MAGI2: variants seen among roughly 807,000 people sequenced by gnomAD.
The protein encoded by MAGI2 is membrane associated guanylate kinase, WW and PDZ domain containing 2, also known as membrane-associated guanylate kinase, WW and PDZ domain-containing protein 2.
Under a neutral mutation model 133.3 loss-of-function variants are expected in MAGI2, and 35 were observed. That is an observed-to-expected ratio of 0.26 (90% confidence interval 0.20 to 0.35). The LOEUF (loss-of-function observed/expected upper bound fraction) is 0.35, where lower values mean the gene tolerates loss of function less well. MAGI2 is among the 10% of genes least tolerant of loss of function. The pLI, the probability that MAGI2 is intolerant of heterozygous loss-of-function variation, is 1.00. For synonymous variants in MAGI2, 729 were observed against 710.6 expected, an observed-to-expected ratio of 1.03 and a Z score of -0.41; for missense variants, 1,636 against 1,863.4, an observed-to-expected ratio of 0.88 and a Z score of 2.25.
chr7:78,227,850 T>TGTGTGTGTGTGTGTGTGTG (rs1789549829), intron 10 of MAGI2, among the ~76,000 whole-genome samples: 1 of 145,546 alleles, frequency 6.9e-6, no homozygotes, highest in Non-Finnish European at 1.5e-5. Context: ...TCTTACTCAG[T>TGTGTGTGTGTGTGTGTGTG]TGTGTGTGTG....
chr7:78,636,372 A>ATT (rs1809645144), intron 2 of MAGI2, among the ~76,000 whole-genome samples: 3 of 137,156 alleles, frequency 2.2e-5, no homozygotes, highest in African/African-American at 5.3e-5. Context: ...TTTTTTTTGA[A>ATT]GAAGAAACCT....
At chr7:78,288,803 T>C (rs982271184) in intron 9 of MAGI2, among the ~76,000 whole-genome samples, 3 of 152,210 alleles carry the variant, frequency 2.0e-5, no homozygotes, top group Non-Finnish European at 4.4e-5. Flanking sequence ...ATATTTGCTG[T>C]TCTGCAGCCT....
chr7:78,965,217 C>CA (rs2115858932), intron 2 of MAGI2, among the ~76,000 whole-genome samples: 1 of 151,302 alleles, frequency 6.6e-6, no homozygotes, highest in African/African-American at 2.4e-5. Flanking sequence ...TTAATAACAA[C>CA]ATATATTATC....
Position 79,254,450 on chromosome 7 carries a change from T to G in MAGI2, c.301+198570A>C, listed in dbSNP as rs529491523. Among the ~76,000 whole-genome samples, 19 of 152,316 alleles carry G rather than the reference T, an allele frequency of 1.2e-4. 2 individuals are homozygous for G. In the South Asian group the frequency reaches 3.5e-3, roughly 28 times the overall value. Reference sequence around the variant, plus strand: ...CAAAGGCCATCTTACTGAATATGTTTTTAAAAAGTTTTCTTGCCATTATTT... The same window carrying G: ...CAAAGGCCATCTTACTGAATATGTTGTTAAAAAGTTTTCTTGCCATTATTT... On this transcript the variant is annotated intron_variant, in intron 1 of 21. Coordinates refer to ENST00000354212, the MANE Select transcript of MAGI2 (RefSeq NM_012301.4).
chr7:79,111,278 G>A (rs187590216), intron 1 of MAGI2, among the ~76,000 whole-genome samples: 78 of 152,138 alleles, frequency 5.1e-4, no homozygotes, highest in African/African-American at 1.6e-3. Context: ...GATTTGAAAC[G>A]TTGTACTCAT....
At chr7:79,163,871 A>G (rs1331380812) in intron 1 of MAGI2, among the ~76,000 whole-genome samples, 2 of 152,030 alleles carry the variant, frequency 1.3e-5, no homozygotes, top group African/African-American at 4.8e-5. Context: ...AAAAGGCACA[A>G]TTGAAGACTC....
chr7:79,135,981 AAGAAAGAAAGAAAGAAAGAAAG>A (rs1562928605), intron 1 of MAGI2, among the ~76,000 whole-genome samples: 1,188 of 38,760 alleles, frequency 0.031, 109 homozygotes, highest in Non-Finnish European at 0.074. Flanking sequence ...GAAAGAAAGA[AAGAAAGAAAGAAAGAAAGAAAG>A]AGAAAGAAAG....
At chr7:78,665,362 G>T (rs1450606031) in intron 2 of MAGI2, among the ~76,000 whole-genome samples, 2 of 152,088 alleles carry the variant, frequency 1.3e-5, no homozygotes, top group African/African-American at 4.8e-5. Flanking sequence ...AATGGATAAT[G>T]AACTCCAGAA....
intron 1 of MAGI2, among the ~76,000 whole-genome samples, chr7:79,284,495 T>G (rs930808719): frequency 2.6e-5 from 4 of 152,096 alleles, no homozygotes; most frequent in African/African-American, 9.7e-5. Context: ...CTCTTCCAAT[T>G]TTTCATCCTC....
chr7:79,126,705 C>A (rs1217410562), intron 1 of MAGI2, among the ~76,000 whole-genome samples: 1 of 151,976 alleles, frequency 6.6e-6, no homozygotes, highest in Non-Finnish European at 1.5e-5. Context: ...ATGTTCTTAT[C>A]TTTCTCATCT....
At chr7:78,243,810 A>C (rs535955211) in intron 10 of MAGI2, among the ~76,000 whole-genome samples, 95 of 152,248 alleles carry the variant, frequency 6.2e-4, no homozygotes, top group Admixed American at 1.4e-3. Context: ...TTTTAATATA[A>C]ATATGAATAA....
chr7:78,678,245 ACT>A (rs779249466), intron 2 of MAGI2, among the ~76,000 whole-genome samples: 132 of 151,990 alleles, frequency 8.7e-4, no homozygotes, highest in Non-Finnish European at 1.3e-3. Context: ...GTAGCCTACT[ACT>A]CTGTCCCTCT....
intron 6 of MAGI2, among the ~76,000 whole-genome samples, chr7:78,405,408 T>A (rs1440964280): frequency 2.0e-5 from 3 of 152,116 alleles, no homozygotes; most frequent in African/African-American, 4.8e-5. Flanking sequence ...ACTTTCTCTA[T>A]GAAATTAAGT....
intron 1 of MAGI2, among the ~76,000 whole-genome samples, chr7:79,055,534 C>G (rs915438130): frequency 1.3e-5 from 2 of 151,932 alleles, no homozygotes; most frequent in South Asian, 2.1e-4. Flanking sequence ...ACAAGAGCAG[C>G]CAACTGGTCT....
intron 6 of MAGI2, among the ~76,000 whole-genome samples, chr7:78,461,355 T>C (rs1017558702): frequency 6.6e-6 from 1 of 151,150 alleles, no homozygotes. Context: ...ACATTAAAAA[T>C]ACAAAAAAGA....
intron 2 of MAGI2, among the ~76,000 whole-genome samples, chr7:78,815,508 C>CT (rs35547999): frequency 0.012 from 1,775 of 148,994 alleles, 23 homozygotes; most frequent in African/African-American, 0.041. Flanking sequence ...GCTTATTGTA[C>CT]TTTTTTTTTT....
intron 2 of MAGI2, among the ~76,000 whole-genome samples, chr7:78,685,975 CT>C (rs111441733): frequency 1.7e-4 from 24 of 141,558 alleles, no homozygotes; most frequent in South Asian, 2.2e-4. Flanking sequence ...TTTTTCTTTT[CT>C]TTTTTTTTTT....
intron 1 of MAGI2, among the ~76,000 whole-genome samples, chr7:79,211,286 AT>A (rs969347366): frequency 4.6e-5 from 7 of 151,148 alleles, no homozygotes; most frequent in East Asian, 1.9e-4. Flanking sequence ...CTTTTTATTT[AT>A]TTTTTTTAAG....
intron 2 of MAGI2, among the ~76,000 whole-genome samples, chr7:78,752,390 G>A (rs900418562): frequency 3.9e-5 from 6 of 152,098 alleles, no homozygotes; most frequent in African/African-American, 1.4e-4. Context: ...ATCACCTGAG[G>A]TCAGGAGTTC....
Sources: gnomAD v4.1 joint callset for allele counts (sites outside exome capture counted in the v4.1 genomes callset) on GRCh38, gnomAD v4.1.1 for gene constraint, MANE v1.5 for transcripts, NCBI Gene and HGNC (gene_info 2026-07-23, HGNC 2026-07-21) for gene names.